The following GRID1 variants were observed in gnomAD, a reference collection of about 807,000 sequenced individuals.
The protein encoded by GRID1 is glutamate receptor ionotropic, delta-1.
In GRID1, 28 loss-of-function variants were observed where a neutral mutation model predicts 98.0. That is an observed-to-expected ratio of 0.29 (90% CI 0.21 to 0.39). The LOEUF (loss-of-function observed/expected upper bound fraction) is 0.39, where lower values mean the gene tolerates loss of function less well. GRID1 is among the 10% of genes least tolerant of loss of function. The pLI is 1.00. For missense variants in GRID1, 1,111 were observed against 1,340.5 expected (o/e 0.83, Z 2.67); for synonymous variants, 553 against 538.5 (o/e 1.03, Z -0.37).
intron 8 of GRID1, among the ~76,000 whole-genome samples, chr10:85,846,338 G>T (rs1037239273): frequency 2.6e-5 from 4 of 152,150 alleles, no homozygotes; most frequent in Non-Finnish European, 4.4e-5. Context: ...TTTGAAATCA[G>T]CGTCACCAGG....
intron 3 of GRID1, among the ~76,000 whole-genome samples, chr10:86,142,325 T>G (rs1845022071): frequency 6.6e-6 from 1 of 152,248 alleles, no homozygotes. Context: ...TTGGATGCAT[T>G]GTATCTGGTA....
At chr10:85,668,137 A>G (rs1264429204) in intron 12 of GRID1, among the ~76,000 whole-genome samples, 1 of 152,252 alleles carries the variant, frequency 6.6e-6, no homozygotes, top group Admixed American at 6.5e-5. Flanking sequence ...TGTCAGACAC[A>G]GGAGACTGGG....
intron 2 of GRID1, among the ~76,000 whole-genome samples, chr10:86,337,773 T>C (rs1445212324): frequency 2.2e-5 from 3 of 136,710 alleles, no homozygotes. Flanking sequence ...AGTGACATGA[T>C]CTCGGCTCAC....
intron 2 of GRID1, among the ~76,000 whole-genome samples, chr10:86,276,705 G>T (rs1169602759): frequency 6.6e-6 from 1 of 151,936 alleles, no homozygotes; most frequent in Non-Finnish European, 1.5e-5. Flanking sequence ...GGCCAATCTG[G>T]TCTCAAACTC....
At chr10:85,842,063 T>G (rs1183507700) in intron 8 of GRID1, among the ~76,000 whole-genome samples, 1 of 152,016 alleles carries the variant, frequency 6.6e-6, no homozygotes, top group African/African-American at 2.4e-5. Flanking sequence ...ATCAAAGACA[T>G]GGAATTAACC....
intron 2 of GRID1, among the ~76,000 whole-genome samples, chr10:86,219,333 C>A (rs1240928073): frequency 6.6e-6 from 1 of 152,072 alleles, no homozygotes; most frequent in Non-Finnish European, 1.5e-5. Flanking sequence ...CTGTGCCCAC[C>A]CTCCAGTGTG....
At chr10:85,782,046 A>C (rs990432623) in intron 8 of GRID1, among the ~76,000 whole-genome samples, 10 of 152,246 alleles carry the variant, frequency 6.6e-5, no homozygotes, top group Non-Finnish European at 1.3e-4. Context: ...CAAAAAATTT[A>C]AAGTTTAATT....
At chr10:86,022,558 T>A (rs936281236) in intron 4 of GRID1, among the ~76,000 whole-genome samples, 1 of 152,064 alleles carries the variant, frequency 6.6e-6, no homozygotes. Context: ...CTCTTTTTTT[T>A]CCCCGAGGTC....
At chr10:85,986,639 G>T (rs1032982916) in intron 4 of GRID1, among the ~76,000 whole-genome samples, 3 of 152,160 alleles carry the variant, frequency 2.0e-5, no homozygotes, top group East Asian at 1.9e-4. Flanking sequence ...GGCCCACAGA[G>T]GTGAGGAAAG....
intron 4 of GRID1, among the ~76,000 whole-genome samples, chr10:85,930,090 C>T (rs1158117883): frequency 6.6e-6 from 1 of 152,032 alleles, no homozygotes; most frequent in East Asian, 1.9e-4. Flanking sequence ...ACAACTTTTG[C>T]TTTTTTGCAT....
At chr10:85,658,856 A>T (rs1476395381) in intron 12 of GRID1, among the ~76,000 whole-genome samples, 1 of 152,250 alleles carries the variant, frequency 6.6e-6, no homozygotes, top group African/African-American at 2.4e-5. Context: ...GAGAAAGAGA[A>T]ATCTTCTGGT....
At chr10:85,918,508 C>T (rs1260423678) in intron 4 of GRID1, among the ~76,000 whole-genome samples, 1 of 152,208 alleles carries the variant, frequency 6.6e-6, no homozygotes, top group African/African-American at 2.4e-5. Flanking sequence ...GTTGACCTAA[C>T]CAGGTCACCC....
At chr10:85,892,852 A>C (rs1250657056) in intron 5 of GRID1, among the ~76,000 whole-genome samples, 2 of 152,146 alleles carry the variant, frequency 1.3e-5, no homozygotes, top group Non-Finnish European at 2.9e-5. Context: ...ATTGCAACTC[A>C]TGTCAGGAGG....
intron 2 of GRID1, among the ~76,000 whole-genome samples, chr10:86,246,682 AC>A (rs1244284771): frequency 5.3e-5 from 8 of 151,244 alleles, no homozygotes; most frequent in African/African-American, 1.7e-4. Flanking sequence ...CGTACCTTGC[AC>A]AAGAACCCCC....
intron 12 of GRID1, among the ~76,000 whole-genome samples, chr10:85,663,943 T>C (rs190227384): frequency 3.3e-5 from 5 of 152,206 alleles, no homozygotes; most frequent in Admixed American, 6.5e-5. Context: ...GATGAATAAA[T>C]GAATAGATGA....
intron 5 of GRID1, among the ~76,000 whole-genome samples, chr10:85,876,607 A>C (rs1843334596): frequency 6.6e-6 from 1 of 152,184 alleles, no homozygotes; most frequent in Non-Finnish European, 1.5e-5. Context: ...TCCAGATATT[A>C]AGAATCATTT....
intron 5 of GRID1, among the ~76,000 whole-genome samples, chr10:85,906,564 G>A (rs981656870): frequency 1.7e-4 from 26 of 152,118 alleles, no homozygotes; most frequent in Non-Finnish European, 3.5e-4. Flanking sequence ...TCTAACCACA[G>A]TGGAGTTAAA....
At chr10:85,604,705 C>T (rs996029644) in intron 15 of GRID1, among the ~76,000 whole-genome samples, 5 of 152,246 alleles carry the variant, frequency 3.3e-5, no homozygotes, top group African/African-American at 1.2e-4. Context: ...AATTACCTTA[C>T]ACCATGGTGG....
At chr10:86,092,496 C>T (rs1418304191) in intron 4 of GRID1, among the ~76,000 whole-genome samples, 1 of 151,974 alleles carries the variant, frequency 6.6e-6, no homozygotes, top group Non-Finnish European at 1.5e-5. Flanking sequence ...AATGACCAAA[C>T]CTTTATGTGC....
Sources: gnomAD v4.1 joint callset for allele counts (sites outside exome capture counted in the v4.1 genomes callset) on GRCh38, gnomAD v4.1.1 for gene constraint, MANE v1.5 for transcripts, NCBI Gene and HGNC (gene_info 2026-07-23, HGNC 2026-07-21) for gene names.